CDC42SE2: variants seen among roughly 807,000 people sequenced by gnomAD.
The protein encoded by CDC42SE2 is CDC42 small effector protein 2.
CDC42SE2 carries 3 observed loss-of-function variants against 11.5 expected under a neutral mutation model. The ratio of observed to expected loss-of-function variants is 0.26; its 90% CI spans 0.12 to 0.67. CDC42SE2 has a LOEUF of 0.67. CDC42SE2 is among the 30% of genes least tolerant of loss of function. CDC42SE2 has a pLI of 0.80. For synonymous variants in CDC42SE2, 33 were observed against 34.8 expected, an observed-to-expected ratio of 0.95 and a Z score of 0.18; for missense variants, 82 against 106.8, an observed-to-expected ratio of 0.77 and a Z score of 1.02.
chr5:131,267,370 T>C (rs909333536), intron 1 of CDC42SE2, among the ~76,000 whole-genome samples: 3 of 152,150 alleles, frequency 2.0e-5, no homozygotes, highest in African/African-American at 7.2e-5. Context: ...ATTTTTTTTT[T>C]TGTACCTTAA....
At chr5:131,283,411 C>T (rs572909324) in intron 1 of CDC42SE2, among the ~76,000 whole-genome samples, 13 of 152,134 alleles carry the variant, frequency 8.5e-5, no homozygotes, top group East Asian at 1.9e-4. Context: ...TGGAATCATG[C>T]GATATGTGAC....
upstream of CDC42SE2, among the ~76,000 whole-genome samples, chr5:131,243,569 G>C (rs912178939): frequency 6.6e-6 from 1 of 152,204 alleles, no homozygotes; most frequent in African/African-American, 2.4e-5. Context: ...CTGGGTGACA[G>C]AGCGAGACTC....
chr5:131,353,429 A>G (rs1373239877), intron 2 of CDC42SE2, among the ~76,000 whole-genome samples: 1 of 151,808 alleles, frequency 6.6e-6, no homozygotes, highest in Non-Finnish European at 1.5e-5. Context: ...TTACAGGTGC[A>G]TGCCACCATG....
the CDC42SE2 span, among the ~76,000 whole-genome samples, chr5:131,225,742 C>A: frequency 6.6e-6 from 1 of 152,128 alleles, no homozygotes; most frequent in East Asian, 1.9e-4. Flanking sequence ...CCTACTATCT[C>A]TCATTGTTTC....
At chr5:131,290,333 G>A (rs546647456) in intron 1 of CDC42SE2, among the ~76,000 whole-genome samples, 1 of 152,274 alleles carries the variant, frequency 6.6e-6, no homozygotes, top group African/African-American at 2.4e-5. Context: ...CTGGGTTGAG[G>A]ACTCTTGAGT....
chr5:131,216,284 C>T, the CDC42SE2 span, among the ~76,000 whole-genome samples: 6 of 152,164 alleles, frequency 3.9e-5, no homozygotes, highest in African/African-American at 1.4e-4. Flanking sequence ...ACCACTTGAG[C>T]TCAGGAGTTT....
In CDC42SE2 at chr5:131,309,341, G is replaced by T. The variant is rs560511443; in HGVS notation, c.-454-6635G>T. 2.0e-3 allele frequency among the ~76,000 whole-genome samples: 298 copies of T among 151,806 alleles called. 1 individual carries two copies. Among genetic ancestry groups the T allele is most frequent in the African/African-American group, 6.9e-3 (287 of 41,408 alleles). Reference sequence around the variant, plus strand: ...AGCTTTTTGATGTGCTGCTGGATTCGTTTTGCCAGTATTTTATTGAGGATT... The same window carrying T: ...AGCTTTTTGATGTGCTGCTGGATTCTTTTTGCCAGTATTTTATTGAGGATT... On this transcript the variant is annotated intron_variant, in intron 1 of 4. Coordinates refer to ENST00000505065, the MANE Select transcript of CDC42SE2 (RefSeq NM_001375635.1).
intron 1 of CDC42SE2, among the ~76,000 whole-genome samples, chr5:131,267,421 A>C (rs1683511771): frequency 6.6e-6 from 1 of 151,956 alleles, no homozygotes; most frequent in African/African-American, 2.4e-5. Context: ...TCCTTGGAGT[A>C]GTTCATAATG....
At chr5:131,226,321 G>A in the CDC42SE2 span, among the ~76,000 whole-genome samples, 4 of 152,306 alleles carry the variant, frequency 2.6e-5, no homozygotes, top group East Asian at 5.8e-4. Context: ...AAAGCTCTAG[G>A]TTTGATAAGC....
At chr5:131,370,401 A>G (rs1232912950) in intron 3 of CDC42SE2, among the ~76,000 whole-genome samples, 1 of 152,148 alleles carries the variant, frequency 6.6e-6, no homozygotes, top group African/African-American at 2.4e-5. Context: ...CTAATAGGCA[A>G]CGTTAAGTGG....
chr5:131,356,546 G>T (rs922144628), intron 2 of CDC42SE2, among the ~76,000 whole-genome samples: 1 of 152,162 alleles, frequency 6.6e-6, no homozygotes, highest in Non-Finnish European at 1.5e-5. Flanking sequence ...AAAAATCCAT[G>T]GAATTGCAAA....
chr5:131,268,054 CTTTTTTTTTTTTTTTT>C (rs148354795), intron 1 of CDC42SE2, among the ~76,000 whole-genome samples: 4 of 65,476 alleles, frequency 6.1e-5, no homozygotes, highest in Non-Finnish European at 8.5e-5. Flanking sequence ...CATGCTTATT[CTTTTTTTTTTTTTTTT>C]TTTTTTTTTT....
Position 131,352,515 on chromosome 5 carries a change from G to GA in CDC42SE2, c.-285-6688dup, listed in dbSNP as rs564517790. ...TGTAATCAGTCATTTTAAATATAAGGAAAAAATTAACCCTCATATTTTGAT... is the reference window on the plus strand; with the variant it reads ...TGTAATCAGTCATTTTAAATATAAGGAAAAAAATTAACCCTCATATTTTGAT... On this transcript the variant is annotated intron_variant, in intron 2 of 4. Coordinates refer to ENST00000505065, the MANE Select transcript of CDC42SE2 (RefSeq NM_001375635.1). 3.3e-3 allele frequency among the ~76,000 whole-genome samples: 501 copies of GA among 152,152 alleles called. 6 individuals carry two copies. Among genetic ancestry groups the GA allele is most frequent in the African/African-American group, 0.012 (492 of 41,504 alleles).
intron 1 of CDC42SE2, among the ~76,000 whole-genome samples, chr5:131,286,743 C>T (rs1188217534): frequency 6.6e-6 from 1 of 151,058 alleles, no homozygotes; most frequent in African/African-American, 2.4e-5. Context: ...TATATTTTCT[C>T]TTCTTTATGA....
In CDC42SE2 at chr5:131,394,559, A is replaced by ATACT. The variant is rs1191739506; in HGVS notation, c.*3470_*3473dup. 3.9e-5 allele frequency: 6 copies of ATACT among 152,364 alleles called. No homozygotes were observed. Among genetic ancestry groups the ATACT allele is most frequent in the Non-Finnish European group, 4.4e-5 (3 of 68,050 alleles). 9.4% of individuals were successfully genotyped at this position (152,364 alleles called of 1,614,324 possible). The stretch of plus-strand genomic sequence containing the variant: ...ATTGACATATTTTTATAATATAAGC[A>ATACT]TACTTTTTTTGTACATTGTGTTCAT... On this transcript the variant is annotated 3_prime_UTR_variant, in exon 5 of 5. Transcript: ENST00000505065.
chr5:131,266,998 T>A (rs1221948185), intron 1 of CDC42SE2, among the ~76,000 whole-genome samples: 1 of 147,410 alleles, frequency 6.8e-6, no homozygotes, highest in Non-Finnish European at 1.5e-5. Flanking sequence ...ATCATCAGAA[T>A]TCTTGACAAT....
At chr5:131,238,371 C>T in the CDC42SE2 span, among the ~76,000 whole-genome samples, 3 of 151,754 alleles carry the variant, frequency 2.0e-5, no homozygotes, top group East Asian at 1.9e-4. Context: ...GGCGTGGTGG[C>T]GGGCGCCTGT....
chr5:131,305,272 C>CT (rs1757757626), intron 1 of CDC42SE2, among the ~76,000 whole-genome samples: 1 of 152,022 alleles, frequency 6.6e-6, no homozygotes, highest in African/African-American at 2.4e-5. Flanking sequence ...GTTTTTGTCT[C>CT]TATGTTAAAA....
chr5:131,284,521 G>C (rs966442763), intron 1 of CDC42SE2, among the ~76,000 whole-genome samples: 3 of 152,144 alleles, frequency 2.0e-5, no homozygotes, highest in African/African-American at 7.2e-5. Flanking sequence ...GCCCAGGATG[G>C]AGTGCAGTAG....
Sources: gnomAD v4.1 joint callset for allele counts (sites outside exome capture counted in the v4.1 genomes callset) on GRCh38, gnomAD v4.1.1 for gene constraint, MANE v1.5 for transcripts, NCBI Gene and HGNC (gene_info 2026-07-23, HGNC 2026-07-21) for gene names.